Variants in NCOR1 observed in about 807,000 individuals in gnomAD.
The protein encoded by NCOR1 is nuclear receptor corepressor 1, also known as protein phosphatase 1, regulatory subunit 109.
In NCOR1, 63 loss-of-function variants were observed where a neutral mutation model predicts 288.1. That is an observed-to-expected ratio of 0.22 (90% CI 0.18 to 0.27). The LOEUF (loss-of-function observed/expected upper bound fraction) is 0.27, where lower values mean the gene tolerates loss of function less well. Among genes scored for constraint, NCOR1 ranks in the 10% least tolerant of loss-of-function variants. The pLI, the probability that NCOR1 is intolerant of heterozygous loss-of-function variation, is 1.00. For missense variants in NCOR1, 2,397 were observed against 3,019.2 expected, an observed-to-expected ratio of 0.79 and a Z score of 4.83; for synonymous variants, 1,007 against 1,065.9, an observed-to-expected ratio of 0.94 and a Z score of 1.08.
intron 22 of NCOR1, among the ~76,000 whole-genome samples, chr17:16,090,717 T>G (rs962606316): frequency 2.0e-5 from 3 of 152,214 alleles, no homozygotes; most frequent in African/African-American, 7.2e-5. Context: ...GTTTAAAAAT[T>G]AACAAGTTTA....
At chr17:16,077,490 GAGGGGAGGAGAGGGGAGGAGA>G in intron 26 of NCOR1, among the ~76,000 whole-genome samples, 1 of 29,236 alleles carries the variant, frequency 3.4e-5, no homozygotes, top group Non-Finnish European at 7.6e-5. Context: ...GAGGGGAGGA[GAGGGGAGGAGAGGGGAGGAGA>G]GGGGAGGGGG....
At chr17:16,096,758 C>G (rs1211415202) in intron 21 of NCOR1, among the ~76,000 whole-genome samples, 4 of 152,138 alleles carry the variant, frequency 2.6e-5, no homozygotes, top group Non-Finnish European at 4.4e-5. Context: ...CCCTTCTCTC[C>G]CATATGTCTT....
At position 16,209,338 on chromosome 17, in the gene NCOR1, A is replaced by T. The variant is rs561369056; in HGVS notation, c.-71+6024T>A. Among the ~76,000 whole-genome samples the T allele has an allele frequency of 2.0e-5, 3 of 152,270 alleles. No individual in the cohort carries two copies. The East Asian group carries it at 5.8e-4, about 29-fold the overall frequency. On this transcript the variant is annotated intron_variant, in intron 1 of 45. Transcript: ENST00000268712. ...AAAAAATTCTTCTTAATGCAACACA[A>T]AATAGCCCAAGTAGAATAAAGAAAT... is the stretch of plus-strand genomic sequence containing the variant.
At chr17:16,044,837 G>A (rs1438017757) in intron 42 of NCOR1, 3 of 1,042,528 alleles carry the variant, frequency 2.9e-6, no homozygotes, top group Non-Finnish European at 4.4e-6. Flanking sequence ...TCCAGCAGCT[G>A]GTGCTGCACC....
At chr17:16,103,274 GCTCA>G (rs1342399972) in intron 19 of NCOR1, among the ~76,000 whole-genome samples, 3 of 152,122 alleles carry the variant, frequency 2.0e-5, no homozygotes, top group Non-Finnish European at 2.9e-5. Flanking sequence ...CCTTGACAAG[GCTCA>G]CTGATTTTCT....
intron 4 of NCOR1, among the ~76,000 whole-genome samples, chr17:16,169,861 C>T (rs1311505017): frequency 6.6e-6 from 1 of 151,764 alleles, no homozygotes; most frequent in Non-Finnish European, 1.5e-5. Flanking sequence ...TTTTTTAATG[C>T]AGCAGAACAT....
Position 16,030,075 on chromosome 17 carries a change from T to G in NCOR1, c.*2221A>C, listed in dbSNP as rs958450750. 2 of 177,572 alleles carry G rather than the reference T, an allele frequency of 1.1e-5. No homozygotes were observed. Among genetic ancestry groups the G allele is most frequent in the African/African-American group, 4.7e-5 (2 of 42,286 alleles). 11.0% of individuals were successfully genotyped at this position (177,572 alleles called of 1,614,324 possible). A position where few individuals can be genotyped will look rare whatever the true frequency, so the allele number is the denominator to read the frequency against. ...CATGGCCTACTGCTGACCAGAAGTC[T>G]TACGGATAACATAGTCGATTGACAC... On this transcript the variant is annotated 3_prime_UTR_variant, in exon 46 of 46. Coordinates refer to ENST00000268712, the MANE Select transcript of NCOR1 (RefSeq NM_006311.4).
chr17:16,154,015 CTTTT>C (rs61436082), intron 6 of NCOR1, among the ~76,000 whole-genome samples: 8 of 109,674 alleles, frequency 7.3e-5, no homozygotes, highest in Admixed American at 2.1e-4. Flanking sequence ...ATGCTATTTC[CTTTT>C]TTTTTTTTTT....
In NCOR1 at chr17:16,171,871, T is replaced by G. The variant is rs2083200368; in HGVS notation, c.367A>C (p.Ser123Arg). 2 of 1,613,514 alleles carry G rather than the reference T, an allele frequency of 1.2e-6. No homozygotes were observed. The highest frequency in any genetic ancestry group is 1.7e-6 in the Non-Finnish European group (2 of 1,179,754). ...TGCACTAAAGGCAAAACCGCAGCACTGACACGCTGAAAATGAGAATCAGAA... is the reference window on the plus strand; with the variant it reads ...TGCACTAAAGGCAAAACCGCAGCACGGACACGCTGAAAATGAGAATCAGAA... ...QVSDSHFQRV[S>R]AAVLPLVHPL... The change falls in exon 4 of 46, where the codon AGT becomes CGT. Residue 123 changes from serine to arginine, a missense_variant. By Grantham distance (110) the Ser-to-Arg change is moderately radical. Transcript: ENST00000268712.
intron 18 of NCOR1, among the ~76,000 whole-genome samples, chr17:16,112,774 C>CCACT (rs1461606726): frequency 4.6e-5 from 7 of 152,126 alleles, no homozygotes; most frequent in Admixed American, 4.6e-4. Flanking sequence ...AAGGCGTGAG[C>CCACT]CACTGCACCT....
At chr17:16,113,311 T>C (rs1263581328) in intron 18 of NCOR1, among the ~76,000 whole-genome samples, 1 of 152,034 alleles carries the variant, frequency 6.6e-6, no homozygotes, top group Non-Finnish European at 1.5e-5. Context: ...GGAAATCTCT[T>C]CCATGTCTGA....
intron 3 of NCOR1, among the ~76,000 whole-genome samples, chr17:16,178,264 C>T (rs997617587): frequency 1.3e-5 from 2 of 151,776 alleles, no homozygotes; most frequent in African/African-American, 4.8e-5. Context: ...CTTTGGGAGG[C>T]TGAGGCAGGC....
chr17:16,058,063 A>C lies in NCOR1; in HGVS notation c.6012T>G (p.Asn2004Lys). The C allele has an allele frequency of 8.7e-6, 14 of 1,614,012 alleles. No individual in the cohort carries two copies. Among genetic ancestry groups the C allele is most frequent in the Non-Finnish European group, 1.2e-5 (14 of 1,179,910 alleles). The change falls in exon 39 of 46, where the codon AAT (asparagine) becomes AAG (lysine). Residue 2004 changes from asparagine to lysine, a missense_variant and splice_region_variant. Asn to Lys is a moderately conservative substitution (Grantham distance 94, BLOSUM62 0). Transcript: ENST00000268712. ...GTCCTTCATATTGTCTGGTAGGATC[A>C]TCTAGGAGAGAACACATAGATGTCT... ...PEVVKANQAENDPTRQYEGPL... is the reference protein window; with the variant it reads ...PEVVKANQAEKDPTRQYEGPL...
intron 1 of NCOR1, among the ~76,000 whole-genome samples, chr17:16,206,984 TATA>T (rs2091585901): frequency 1.3e-5 from 2 of 152,140 alleles, no homozygotes; most frequent in South Asian, 4.1e-4. Flanking sequence ...CTTCATGCAT[TATA>T]ATGATTTTGT....
chr17:16,169,940 C>T (rs868823085), intron 4 of NCOR1, among the ~76,000 whole-genome samples: 3 of 152,010 alleles, frequency 2.0e-5, no homozygotes, highest in African/African-American at 7.2e-5. Flanking sequence ...CACAAAACAC[C>T]TAGAAGCTTA....
chr17:16,107,178 A>G (rs2068947859), intron 19 of NCOR1, among the ~76,000 whole-genome samples: 2 of 151,992 alleles, frequency 1.3e-5, no homozygotes, highest in South Asian at 4.1e-4. Flanking sequence ...TACAGGCATG[A>G]GCCACTGCGC....
chr17:16,181,411 A>G (rs118177172), intron 3 of NCOR1, among the ~76,000 whole-genome samples: 3,911 of 151,892 alleles, frequency 0.026, 67 homozygotes, highest in East Asian at 0.069. Context: ...AAAGCACTCA[A>G]ATACACAGGG....
intron 15 of NCOR1, among the ~76,000 whole-genome samples, chr17:16,121,958 C>T (rs1024570023): frequency 1.3e-5 from 2 of 152,128 alleles, no homozygotes; most frequent in African/African-American, 4.8e-5. Context: ...CTCATCTGTA[C>T]AATGAGAAAA....
chr17:16,203,088 G>C (rs1444538833), intron 1 of NCOR1, among the ~76,000 whole-genome samples: 1 of 148,854 alleles, frequency 6.7e-6, no homozygotes, highest in Non-Finnish European at 1.5e-5. Context: ...AGCTTCCCAG[G>C]CCTCTCCATC....
Sources: allele counts gnomAD v4.1 joint callset (sites outside exome capture counted in the v4.1 genomes callset), GRCh38; gene constraint gnomAD v4.1.1; transcripts MANE v1.5; gene names NCBI Gene and HGNC (gene_info 2026-07-23, HGNC 2026-07-21).